Variants in GALNT13 observed in about 807,000 individuals in gnomAD.
GALNT13 encodes the protein polypeptide N-acetylgalactosaminyltransferase 13.
A neutral mutation model predicts 64.2 loss-of-function variants in GALNT13; 28 were observed. The ratio of observed to expected loss-of-function variants is 0.44; its 90% CI spans 0.32 to 0.60. The LOEUF is 0.60. Among genes scored for constraint, GALNT13 ranks in the 20% least tolerant of loss-of-function variants. The pLI is 0.05. For missense variants in GALNT13, 577 were observed against 669.8 expected (o/e 0.86, Z 1.53); for synonymous variants, 214 against 224.6 (o/e 0.95, Z 0.42).
At chr2:153,126,319 TATATATATATATATATATA>T in the GALNT13 span, among the ~76,000 whole-genome samples, 182 of 115,644 alleles carry the variant, frequency 1.6e-3, 1 homozygote, top group Middle Eastern at 0.012. Flanking sequence ...TATATATATA[TATATATATATATATATATA>T]TATATATATG....
chr2:153,169,517 G>C, the GALNT13 span, among the ~76,000 whole-genome samples: 5 of 152,162 alleles, frequency 3.3e-5, no homozygotes, highest in African/African-American at 1.2e-4. Context: ...GGTGTCCAGG[G>C]TAGAAGGCTA....
chr2:154,054,526 A>C (rs1006227173), intron 3 of GALNT13, among the ~76,000 whole-genome samples: 2 of 152,048 alleles, frequency 1.3e-5, no homozygotes, highest in African/African-American at 4.8e-5. Context: ...AAGAAACCTA[A>C]GTTAAATAGG....
chr2:153,942,538 A>T (rs1333454157), intron 2 of GALNT13, among the ~76,000 whole-genome samples: 1 of 152,180 alleles, frequency 6.6e-6, no homozygotes, highest in Non-Finnish European at 1.5e-5. Context: ...TTCCTTTATT[A>T]TCAGGTTTAG....
At chr2:153,176,169 C>T in the GALNT13 span, among the ~76,000 whole-genome samples, 10 of 152,260 alleles carry the variant, frequency 6.6e-5, no homozygotes, top group African/African-American at 2.4e-4. Flanking sequence ...GAGAGTAACA[C>T]CTGAGGAGCA....
intron 2 of GALNT13, among the ~76,000 whole-genome samples, chr2:153,918,594 A>G (rs1396306895): frequency 1.3e-5 from 2 of 151,986 alleles, no homozygotes; most frequent in Admixed American, 6.6e-5. Context: ...AAATCCTTTT[A>G]TTCTCCCCTT....
intron 3 of GALNT13, among the ~76,000 whole-genome samples, chr2:154,030,908 C>A (rs918345055): frequency 3.3e-5 from 5 of 152,116 alleles, no homozygotes; most frequent in Admixed American, 3.3e-4. Flanking sequence ...CATAAATTAC[C>A]CAGTCTCAGT....
chr2:154,250,057 C>T (rs994720494), intron 7 of GALNT13, among the ~76,000 whole-genome samples: 19 of 152,022 alleles, frequency 1.2e-4, no homozygotes, highest in Non-Finnish European at 4.4e-5. Flanking sequence ...TTATTTCAAG[C>T]TCCTCCAATT....
At chr2:153,937,166 A>C (rs1690997514) in intron 2 of GALNT13, among the ~76,000 whole-genome samples, 1 of 152,236 alleles carries the variant, frequency 6.6e-6, no homozygotes, top group African/African-American at 2.4e-5. Context: ...ATATGTCTAC[A>C]GAAAATTTGT....
At chr2:154,442,668 TTC>T (rs1701359094) in intron 12 of GALNT13, among the ~76,000 whole-genome samples, 1 of 152,140 alleles carries the variant, frequency 6.6e-6, no homozygotes, top group African/African-American at 2.4e-5. Context: ...TGTTCTTATA[TTC>T]TGTTTGAACA....
the GALNT13 span, among the ~76,000 whole-genome samples, chr2:153,466,016 G>A: frequency 2.0e-5 from 3 of 151,958 alleles, no homozygotes; most frequent in African/African-American, 7.2e-5. Flanking sequence ...GTTCTTTCTT[G>A]TTCAAAAGGA....
At chr2:154,131,091 A>T (rs1450669066) in intron 3 of GALNT13, among the ~76,000 whole-genome samples, 2 of 152,188 alleles carry the variant, frequency 1.3e-5, no homozygotes, top group African/African-American at 4.8e-5. Context: ...GGCCTTTTAA[A>T]TATTTTTTAT....
the GALNT13 span, among the ~76,000 whole-genome samples, chr2:153,845,727 A>G: frequency 5.3e-5 from 8 of 152,204 alleles, no homozygotes; most frequent in Non-Finnish European, 8.8e-5. Flanking sequence ...ATATTTTCCA[A>G]AACTGACAAT....
At chr2:153,538,351 T>A in the GALNT13 span, among the ~76,000 whole-genome samples, 4 of 136,008 alleles carry the variant, frequency 2.9e-5, no homozygotes, top group Admixed American at 3.1e-4. Context: ...TTTACTTTTT[T>A]ATTTATTTTT....
chr2:153,716,727 A>C, the GALNT13 span, among the ~76,000 whole-genome samples: 11 of 149,598 alleles, frequency 7.4e-5, no homozygotes, highest in Non-Finnish European at 6.0e-5. Context: ...ATCCCACTTA[A>C]CACTACAAAA....
chr2:153,933,231 C>T (rs1203644618), intron 2 of GALNT13, among the ~76,000 whole-genome samples: 1 of 152,052 alleles, frequency 6.6e-6, no homozygotes, highest in Admixed American at 6.6e-5. Flanking sequence ...TTGAAGTCCC[C>T]CATTACTATT....
the GALNT13 span, among the ~76,000 whole-genome samples, chr2:153,492,061 A>G: frequency 1.3e-5 from 2 of 152,258 alleles, no homozygotes; most frequent in African/African-American, 4.8e-5. Flanking sequence ...ATGGCAAACT[A>G]CACATAAAGG....
At chr2:154,075,044 A>T (rs991727502) in intron 3 of GALNT13, among the ~76,000 whole-genome samples, 2 of 151,846 alleles carry the variant, frequency 1.3e-5, no homozygotes, top group African/African-American at 2.4e-5. Context: ...TGGAGATCCT[A>T]GCCACAACAA....
the GALNT13 span, among the ~76,000 whole-genome samples, chr2:153,743,374 C>G: frequency 6.6e-6 from 1 of 152,056 alleles, no homozygotes; most frequent in Admixed American, 6.6e-5. Context: ...GCAGACATCT[C>G]TTTGGCATAC....
chr2:153,286,146 AATAGAAGT>A, the GALNT13 span, among the ~76,000 whole-genome samples: 1 of 152,168 alleles, frequency 6.6e-6, no homozygotes, highest in Non-Finnish European at 1.5e-5. Flanking sequence ...GCCTTGAATT[AATAGAAGT>A]ATGTAACCCA....
Sources: gnomAD v4.1 joint callset for allele counts (sites outside exome capture counted in the v4.1 genomes callset) on GRCh38, gnomAD v4.1.1 for gene constraint, MANE v1.5 for transcripts, NCBI Gene and HGNC (gene_info 2026-07-23, HGNC 2026-07-21) for gene names.